The following SFTPB variants were observed in gnomAD, a reference collection of about 807,000 sequenced individuals.
The protein encoded by SFTPB is surfactant protein B.
A neutral mutation model predicts 51.0 loss-of-function variants in SFTPB; 32 were observed. The ratio of observed to expected loss-of-function variants is 0.63; its 90% CI spans 0.47 to 0.84. SFTPB has a LOEUF of 0.84. Among genes scored for constraint, SFTPB ranks in the 40% least tolerant of loss-of-function variants. The probability of loss-of-function intolerance (pLI) is 0.00; values close to 1 mark genes in which losing one functional copy is unlikely to be tolerated. For synonymous variants in SFTPB, 211 were observed against 208.5 expected (o/e 1.01, Z -0.10); for missense variants, 431 against 491.2 (o/e 0.88, Z 1.16).
rs1677425565 is a variant in SFTPB at position 85,663,646 on chromosome 2, A to C, written c.856+18T>G. The C allele has an allele frequency of 6.2e-7, 1 of 1,606,394 alleles. No individual in the cohort carries two copies. Among genetic ancestry groups the C allele is most frequent in the Non-Finnish European group, 8.5e-7 (1 of 1,176,738 alleles). ...GAGGAGAGCAGGCATTGGGCTAAGG[A>C]GTGGGCAGTGGGCTCACTTGGGCCA... On this transcript the variant is annotated intron_variant, in intron 7 of 10. Coordinates refer to ENST00000519937, the MANE Select transcript of SFTPB (RefSeq NM_000542.5).
Position 85,667,123 on chromosome 2 carries a change from T to C in SFTPB, c.250A>G (p.Lys84Glu). Residue 84 changes from lysine to glutamate, a missense_variant, in exon 3 of 11, where the codon AAG (lysine) becomes GAG (glutamate). Transcript: ENST00000519937. ...DIVHILNKMA[K>E]EAIFQDTMRK... ...ATCATTACCTGGAAAATGGCCTCCTTGGCCATCTTGTTAAGGATGTGGACG... is the reference window on the plus strand; with the variant it reads ...ATCATTACCTGGAAAATGGCCTCCTCGGCCATCTTGTTAAGGATGTGGACG... The C allele has an allele frequency of 1.9e-6, 3 of 1,613,332 alleles. No individual in the cohort carries two copies. The highest frequency in any genetic ancestry group is 2.5e-6 in the Non-Finnish European group (3 of 1,179,246).
Position 85,662,086 on chromosome 2 carries a change from G to C in SFTPB, c.1026C>G (p.His342Gln). Residue 342 changes from histidine (H) to glutamine (Q), a missense_variant, in exon 9 of 11, where the codon CAC becomes CAG. Coordinates refer to ENST00000519937, the MANE Select transcript of SFTPB (RefSeq NM_000542.5). ...REKCKQFVEQ[H>Q]TPQLLTLVPR... ...GCACCAGGGTCAGCAGCTGGGGCGT[G>C]TGCTGCTCCACAAATTGCTTGCACT... is the stretch of plus-strand genomic sequence containing the variant. 1 of 1,602,732 alleles carries C rather than the reference G, an allele frequency of 6.2e-7. No homozygotes were observed. The highest frequency in any genetic ancestry group is 1.1e-5 in the South Asian group (1 of 88,154).
intron 2 of SFTPB, among the ~76,000 whole-genome samples, chr2:85,667,403 C>A (rs1340516540): frequency 6.6e-6 from 1 of 151,808 alleles, no homozygotes; most frequent in Admixed American, 6.6e-5. Flanking sequence ...CATCCCATCC[C>A]ATCCCATCCC....
rs1446504044 is a variant in SFTPB, at chr2:85,658,163, CTCTT to C, written c.*1535_*1538del. ...GGCCTGACAGTGGGTAATTTCCACT[CTCTT>C]TGTCTGTAGTTTCTGAATTTCTTAC... On this transcript the variant is annotated 3_prime_UTR_variant, in exon 11 of 11. Transcript: ENST00000519937. 1 of 152,542 alleles carries C rather than the reference CTCTT, an allele frequency of 6.6e-6. No individual in the cohort carries two copies. Among genetic ancestry groups the C allele is most frequent in the African/African-American group, 2.4e-5 (1 of 41,468 alleles). 9.4% of individuals were successfully genotyped at this position (152,542 alleles called of 1,614,324 possible). A position where few individuals can be genotyped will look rare whatever the true frequency, so the allele number is the denominator to read the frequency against.
Position 85,659,281 on chromosome 2 carries a change from C to T in SFTPB, c.*421G>A, listed in dbSNP as rs1677178343. On this transcript the variant is annotated 3_prime_UTR_variant, in exon 11 of 11. Coordinates refer to ENST00000519937, the MANE Select transcript of SFTPB (RefSeq NM_000542.5). ...TTGAATTGCAAGTAGCTGTAAAATCCAATCTTTGAGTGCATGGGGGTGGGT... is the reference window on the plus strand; with the variant it reads ...TTGAATTGCAAGTAGCTGTAAAATCTAATCTTTGAGTGCATGGGGGTGGGT... 6.6e-6 allele frequency: 1 copy of T among 152,136 alleles called. No individual in the cohort carries two copies. Among genetic ancestry groups the T allele is most frequent in the African/African-American group, 2.4e-5 (1 of 41,400 alleles). The allele number at this position is 152,136 out of a possible 1,614,324, so 9.4% of individuals were successfully genotyped here.
At chr2:85,666,526 G>GT in intron 4 of SFTPB, 91 bp downstream of exon 4, 3 of 1,140,986 alleles carry the variant, frequency 2.6e-6, no homozygotes, top group Non-Finnish European at 3.8e-6. Context: ...TGTGTGTCTG[G>GT]CTGGCTGGGG....
At chr2:85,667,842 C>G (rs753483145) in intron 1 of SFTPB, 36 bp from the exon 2 acceptor site, 1 of 1,614,110 alleles carries the variant, frequency 6.2e-7, no homozygotes, top group East Asian at 2.2e-5. Context: ...TAATCAGGAT[C>G]CAGGCTACAC....
chr2:85,661,968 A>G, intron 9 of SFTPB, 61 bp downstream of exon 9: 15 of 1,521,534 alleles, frequency 9.9e-6, no homozygotes, highest in Non-Finnish European at 1.2e-5. Context: ...CACGGGCCCA[A>G]AGGGTGGGGG....
In SFTPB at chr2:85,665,713, G is replaced by T. The variant is rs768712184; in HGVS notation, c.475C>A (p.Pro159Thr). The T allele has an allele frequency of 2.5e-6, 4 of 1,614,222 alleles. No individual in the cohort carries two copies. Among genetic ancestry groups the T allele is most frequent in the East Asian group, 2.2e-5 (1 of 44,876 alleles). Residue 159 changes from proline to threonine, a missense_variant, in exon 5 of 11, where the codon CCC becomes ACC. Coordinates refer to ENST00000519937, the MANE Select transcript of SFTPB (RefSeq NM_000542.5). The part of the protein sequence containing the change: ...EPEQEPGMSD[P>T]LPKPLRDPLP... The stretch of plus-strand genomic sequence containing the variant: ...GGGTCCCGCAGAGGTTTGGGCAGGG[G>T]GTCTGACATCCCTGGCTCCTGCTCT...
At position 85,657,822 on chromosome 2, in the gene SFTPB, G is replaced by C. The variant is rs926447696; in HGVS notation, c.*1880C>G. On this transcript the variant is annotated 3_prime_UTR_variant, in exon 11 of 11. Coordinates refer to ENST00000519937, the MANE Select transcript of SFTPB (RefSeq NM_000542.5). ...GTTAGGAGCAATTTTTTGTGGGCAG[G>C]GGGTGGATCTTACAAAGCACATTCT... 6 of 152,138 alleles carry C rather than the reference G, an allele frequency of 3.9e-5. No individual in the cohort carries two copies. The highest frequency in any genetic ancestry group is 9.7e-5 in the African/African-American group (4 of 41,416). 9.4% of individuals were successfully genotyped at this position (152,138 alleles called of 1,614,324 possible). A position where few individuals can be genotyped will look rare whatever the true frequency, so the allele number is the denominator to read the frequency against.
At chr2:85,660,940 C>T (rs1677264248) in intron 10 of SFTPB, among the ~76,000 whole-genome samples, 1 of 152,154 alleles carries the variant, frequency 6.6e-6, no homozygotes, top group Non-Finnish European at 1.5e-5. Flanking sequence ...CTGCATCTGG[C>T]CTCGCCTCCA....
intron 10 of SFTPB, among the ~76,000 whole-genome samples, chr2:85,660,122 C>CTTTT (rs34073715): frequency 7.4e-6 from 1 of 135,170 alleles, no homozygotes; most frequent in Non-Finnish European, 1.6e-5. Context: ...GCACCCACTA[C>CTTTT]TTTTTTTTTT....
intron 1 of SFTPB, 40 bp from the exon 2 acceptor site, chr2:85,667,846 G>T: frequency 1.9e-6 from 3 of 1,614,042 alleles, no homozygotes; most frequent in East Asian, 4.5e-5. Flanking sequence ...CAGGATCCAG[G>T]CTACACACCT....
At chr2:85,666,200 G>T (rs1419196518) in intron 4 of SFTPB, among the ~76,000 whole-genome samples, 1 of 144,310 alleles carries the variant, frequency 6.9e-6, no homozygotes, top group Non-Finnish European at 1.5e-5. Flanking sequence ...GGCCAGCTGG[G>T]GTGCTGTGTG....
In SFTPB at chr2:85,659,317, G is replaced by T. The variant is rs1028377633; in HGVS notation, c.*385C>A. 4.6e-5 allele frequency: 7 copies of T among 152,330 alleles called. No individual in the cohort carries two copies. The highest frequency in any genetic ancestry group is 1.7e-4 in the African/African-American group (7 of 41,572). The allele number at this position is 152,330 out of a possible 1,614,324, so 9.4% of individuals were successfully genotyped here. On this transcript the variant is annotated 3_prime_UTR_variant, in exon 11 of 11. Transcript: ENST00000519937. ...TGCATGGGGGTGGGTGTGAGGCGGGGCTCAGCTTCAACCCCCTGTCCTGTA... is the reference window on the plus strand; with the variant it reads ...TGCATGGGGGTGGGTGTGAGGCGGGTCTCAGCTTCAACCCCCTGTCCTGTA...
chr2:85,666,765 C>A (rs771429299), intron 3 of SFTPB, 23 bp from the exon 4 acceptor site: 1 of 1,613,504 alleles, frequency 6.2e-7, no homozygotes, highest in Admixed American at 1.7e-5. Flanking sequence ...AGGGGGCCGT[C>A]AGCTGGGCCT....
intron 9 of SFTPB, 111 bp downstream of exon 9, chr2:85,661,918 G>A: frequency 1.9e-6 from 2 of 1,046,644 alleles, no homozygotes; most frequent in South Asian, 2.9e-5. Context: ...CCGTGCACCT[G>A]GGACCACCTT....
chr2:85,665,493 G>A, intron 5 of SFTPB, 113 bp downstream of exon 5: 2 of 1,455,774 alleles, frequency 1.4e-6, no homozygotes, highest in Non-Finnish European at 1.9e-6. Flanking sequence ...CCTGCCTGGA[G>A]CTTCCTATCA....
In SFTPB at chr2:85,666,609, G is replaced by A. The variant is rs767058416; in HGVS notation, c.393+8C>T. Reference sequence around the variant, plus strand: ...GAGGCAGGCAGGAGGTGAGCTTGCAGCCCTCACAGTCTGGTTCTGGAAGTA... The same window carrying A: ...GAGGCAGGCAGGAGGTGAGCTTGCAACCCTCACAGTCTGGTTCTGGAAGTA... On this transcript the variant is annotated splice_region_variant and intron_variant, in intron 4 of 10. Coordinates refer to ENST00000519937, the MANE Select transcript of SFTPB (RefSeq NM_000542.5). 8.7e-6 allele frequency: 14 copies of A among 1,613,146 alleles called. No individual in the cohort carries two copies. Among genetic ancestry groups the A allele is most frequent in the Non-Finnish European group, 1.1e-5 (13 of 1,179,580 alleles).
Sources: gnomAD v4.1 joint callset for allele counts (sites outside exome capture counted in the v4.1 genomes callset) on GRCh38, gnomAD v4.1.1 for gene constraint, MANE v1.5 for transcripts, NCBI Gene and HGNC (gene_info 2026-07-23, HGNC 2026-07-21) for gene names.